DOCK4: variants seen among roughly 807,000 people sequenced by gnomAD.
DOCK4 encodes dedicator of cytokinesis 4.
In DOCK4, 97 loss-of-function variants were observed where a neutral mutation model predicts 268.1. The observed-to-expected ratio is 0.36, with a 90% CI of 0.31 to 0.43. The LOEUF (loss-of-function observed/expected upper bound fraction) is 0.43, where lower values mean the gene tolerates loss of function less well. DOCK4 is among the 20% of genes least tolerant of loss of function. The pLI is 1.00. For synonymous variants in DOCK4, 954 were observed against 887.2 expected (o/e 1.08, Z -1.34); for missense variants, 2,145 against 2,455.7 (o/e 0.87, Z 2.67).
chr7:112,091,773 ATTT>A (rs753167489), intron 1 of DOCK4, among the ~76,000 whole-genome samples: 13 of 152,148 alleles, frequency 8.5e-5, no homozygotes, highest in Non-Finnish European at 1.5e-4. Context: ...TCCTCCTGAG[ATTT>A]GAAATGAACG....
intron 1 of DOCK4, among the ~76,000 whole-genome samples, chr7:112,022,037 A>T (rs1802365089): frequency 6.6e-6 from 1 of 152,262 alleles, no homozygotes; most frequent in Admixed American, 6.5e-5. Context: ...ATGAGCAGGG[A>T]CATTAACTTG....
At chr7:112,152,871 A>C (rs940820266) in intron 1 of DOCK4, among the ~76,000 whole-genome samples, 13 of 152,200 alleles carry the variant, frequency 8.5e-5, no homozygotes, top group African/African-American at 2.4e-4. Context: ...GTGAAAAAAA[A>C]CCGAACATTT....
chr7:111,914,651 C>T (rs1403005428), intron 13 of DOCK4, among the ~76,000 whole-genome samples: 2 of 152,152 alleles, frequency 1.3e-5, no homozygotes, highest in East Asian at 1.9e-4. Context: ...CTCTACTCTA[C>T]TGCCTTCTCA....
intron 1 of DOCK4, among the ~76,000 whole-genome samples, chr7:112,191,628 T>TG (rs1819961856): frequency 1.3e-5 from 2 of 152,128 alleles, no homozygotes; most frequent in Admixed American, 1.3e-4. Context: ...CCCCAAAGCC[T>TG]GGGGCTGTGC....
At chr7:111,963,929 AC>A (rs577629550) in intron 8 of DOCK4, among the ~76,000 whole-genome samples, 6 of 76,362 alleles carry the variant, frequency 7.9e-5, no homozygotes, top group Admixed American at 1.3e-4. Context: ...ACTGGGAGGC[AC>A]CCCCCAGCAG....
intron 16 of DOCK4, among the ~76,000 whole-genome samples, chr7:111,890,727 T>C (rs1808222724): frequency 6.6e-6 from 1 of 152,174 alleles, no homozygotes; most frequent in South Asian, 2.1e-4. Flanking sequence ...AGTCCAGCCA[T>C]TGCTACAAAG....
intron 1 of DOCK4, among the ~76,000 whole-genome samples, chr7:112,047,297 C>T (rs769084941): frequency 6.6e-5 from 10 of 152,150 alleles, no homozygotes; most frequent in Non-Finnish European, 1.2e-4. Context: ...TCAAAATATT[C>T]GCTACCTAAA....
intron 1 of DOCK4, among the ~76,000 whole-genome samples, chr7:112,190,753 T>C (rs1819883790): frequency 6.6e-6 from 1 of 152,202 alleles, no homozygotes; most frequent in African/African-American, 2.4e-5. Context: ...AGGTCACTTG[T>C]GGCTTAAGTC....
chr7:111,861,146 T>C lies in DOCK4; in HGVS notation c.2473+2226A>G, dbSNP rs545919981. 3.3e-5 allele frequency among the ~76,000 whole-genome samples: 5 copies of C among 152,322 alleles called. 1 individual carries two copies. In the South Asian group the frequency reaches 1.0e-3, roughly 32 times the overall value. On this transcript the variant is annotated intron_variant, in intron 23 of 52. Coordinates refer to ENST00000428084, the MANE Select transcript of DOCK4 (RefSeq NM_001363540.2). ...GGACCTACATCTCCTGCACAGTACC[T>C]GTTCCCAACCCCGGAGAGATTCCTG... is the stretch of plus-strand genomic sequence containing the variant.
At position 111,735,150 on chromosome 7, in the gene DOCK4, T is replaced by A. The variant is rs1241098670; in HGVS notation, c.5323A>T (p.Ser1775Cys). The A allele has an allele frequency of 6.3e-7, 1 of 1,591,510 alleles. No individual in the cohort carries two copies. The highest frequency in any genetic ancestry group is 1.8e-5 in the Admixed American group (1 of 56,706). Residue 1775 changes from serine (S) to cysteine (C), a missense_variant, in exon 51 of 53, where the codon AGC becomes TGC. Ser to Cys is a moderately radical substitution (Grantham distance 112, BLOSUM62 -1). Transcript: ENST00000428084. The part of the protein sequence containing the change: ...APEKAVNPTP[S>C]SWSLDSGKEA... Reference sequence around the variant, plus strand: ...TTCCCACTGTCCAGGCTCCAGCTGCTAGGGGTGGGGTTCACAGCTGGAAGG... The same window carrying A: ...TTCCCACTGTCCAGGCTCCAGCTGCAAGGGGTGGGGTTCACAGCTGGAAGG...
At chr7:111,811,824 AATGTGATTCTTTTAGCCCAAGC>A in intron 28 of DOCK4, 28 bp downstream of exon 28, 1 of 1,083,180 alleles carries the variant, frequency 9.2e-7, no homozygotes, top group African/African-American at 1.6e-5. Flanking sequence ...CCTATAATAC[AATGTGATTCTTTTAGCCCAAGC>A]AGGAGAGTCA....
intron 42 of DOCK4, among the ~76,000 whole-genome samples, chr7:111,749,239 T>C (rs1796476173): frequency 1.3e-5 from 2 of 152,308 alleles, no homozygotes; most frequent in South Asian, 2.1e-4. Flanking sequence ...TTGTTTTATG[T>C]ACACAAAACC....
chr7:112,005,404 G>A (rs916491900), intron 1 of DOCK4, among the ~76,000 whole-genome samples: 5 of 152,174 alleles, frequency 3.3e-5, no homozygotes, highest in Non-Finnish European at 7.4e-5. Context: ...CCATGAGACA[G>A]AACAAACTAA....
chr7:111,900,287 A>G, intron 15 of DOCK4, 87 bp downstream of exon 15: 1 of 1,432,112 alleles, frequency 7.0e-7, no homozygotes, highest in Non-Finnish European at 9.5e-7. Flanking sequence ...TAATCAACTT[A>G]AGATCAACCC....
At chr7:111,817,986 C>T (rs1399368922) in intron 27 of DOCK4, among the ~76,000 whole-genome samples, 1 of 152,166 alleles carries the variant, frequency 6.6e-6, no homozygotes, top group African/African-American at 2.4e-5. Context: ...ATTGTCTGTC[C>T]ACATCACCAC....
chr7:112,148,710 CAG>C (rs1815749519), intron 1 of DOCK4, among the ~76,000 whole-genome samples: 1 of 152,098 alleles, frequency 6.6e-6, no homozygotes, highest in Non-Finnish European at 1.5e-5. Flanking sequence ...CATCCAAATT[CAG>C]AGACCCTAGA....
intron 1 of DOCK4, among the ~76,000 whole-genome samples, chr7:112,201,809 C>G (rs1034334401): frequency 1.3e-5 from 2 of 152,138 alleles, no homozygotes; most frequent in South Asian, 4.1e-4. Flanking sequence ...CTCACCAAAA[C>G]TTTGTACACT....
chr7:112,194,941 T>C (rs12537934), intron 1 of DOCK4, among the ~76,000 whole-genome samples: 1 of 152,158 alleles, frequency 6.6e-6, no homozygotes, highest in Non-Finnish European at 1.5e-5. Flanking sequence ...AGAGTATTAA[T>C]GGAGATTTTA....
intron 1 of DOCK4, among the ~76,000 whole-genome samples, chr7:112,011,482 G>T (rs970290965): frequency 5.9e-5 from 9 of 152,012 alleles, no homozygotes; most frequent in African/African-American, 1.9e-4. Flanking sequence ...AGTTTTTCAT[G>T]TGTTAGTTCT....
Sources: gnomAD v4.1 joint callset for allele counts (sites outside exome capture counted in the v4.1 genomes callset) on GRCh38, gnomAD v4.1.1 for gene constraint, MANE v1.5 for transcripts, NCBI Gene and HGNC (gene_info 2026-07-23, HGNC 2026-07-21) for gene names.